The following DECR1 variants were observed in gnomAD, a reference collection of about 807,000 sequenced individuals.
DECR1 encodes 2,4-dienoyl-CoA reductase [(3E)-enoyl-CoA-producing], mitochondrial.
In DECR1, 44 loss-of-function variants were observed where a neutral mutation model predicts 38.8. The observed-to-expected ratio is 1.13, with a 90% CI of 0.89 to 1.46. The LOEUF (loss-of-function observed/expected upper bound fraction) is 1.46, where lower values mean the gene tolerates loss of function less well. Among genes scored for constraint, DECR1 ranks in the 40% most tolerant of loss-of-function variants. The pLI is 0.00. For synonymous variants in DECR1, 148 were observed against 135.2 expected (o/e 1.09, Z -0.66); for missense variants, 428 against 405.5 (o/e 1.06, Z -0.48).
Position 90,042,796 on chromosome 8 carries a change from C to A in DECR1, c.734C>A (p.Thr245Asn). 2 of 1,612,430 alleles carry A rather than the reference C, an allele frequency of 1.2e-6. No individual in the cohort carries two copies. Among genetic ancestry groups the A allele is most frequent in the Non-Finnish European group, 8.5e-7 (1 of 1,178,678 alleles). The change falls in exon 7 of 10, where the codon ACC becomes AAC. Residue 245 changes from threonine (T) to asparagine (N), a missense_variant. Physicochemically the swap from Thr to Asn is moderately conservative, Grantham distance 65. Coordinates refer to ENST00000220764, the MANE Select transcript of DECR1 (RefSeq NM_001359.2). ...GTGATTCAACCAGGGCCTATAAAAA[C>A]CAAAGTAAGTTGTATTTTGCTTGTT... ...FNVIQPGPIK[T>N]KGAFSRLDPT...
intron 1 of DECR1, 97 bp downstream of exon 1, chr8:90,001,658 G>T: frequency 1.7e-6 from 2 of 1,152,954 alleles, no homozygotes; most frequent in East Asian, 2.5e-5. Context: ...CGAGGACAAG[G>T]CATCCTGGGG....
chr8:90,052,031 G>T lies in DECR1; in HGVS notation c.*134G>T. The T allele has an allele frequency of 2.9e-6, 2 of 690,418 alleles. No individual in the cohort carries two copies. Among genetic ancestry groups the T allele is most frequent in the South Asian group, 1.9e-5 (1 of 52,782 alleles). The allele number at this position is 690,418 out of a possible 1,614,324, so 42.8% of individuals were successfully genotyped here. A position where few individuals can be genotyped will look rare whatever the true frequency, so the allele number is the denominator to read the frequency against. Reference sequence around the variant, plus strand: ...TCATTGAATATGTATTATGTGCCAGGCCAGTGATAGCCATTGTATATTCAA... The same window carrying T: ...TCATTGAATATGTATTATGTGCCAGTCCAGTGATAGCCATTGTATATTCAA... On this transcript the variant is annotated 3_prime_UTR_variant, in exon 10 of 10. Transcript: ENST00000220764.
chr8:90,001,699 G>T, intron 1 of DECR1, 138 bp downstream of exon 1: 2 of 761,062 alleles, frequency 2.6e-6, no homozygotes, highest in Non-Finnish European at 4.1e-6. Flanking sequence ...CGTCCCGGGG[G>T]TTCGGGGAGC....
intron 8 of DECR1, among the ~76,000 whole-genome samples, chr8:90,049,320 T>C (rs1250045421): frequency 1.3e-5 from 2 of 152,204 alleles, no homozygotes; most frequent in African/African-American, 4.8e-5. Context: ...GATAAGCAAC[T>C]TCAGCAAAGT....
At chr8:90,034,066 G>C (rs1234726517) in intron 5 of DECR1, among the ~76,000 whole-genome samples, 1 of 152,146 alleles carries the variant, frequency 6.6e-6, no homozygotes, top group Admixed American at 6.6e-5. Context: ...TTACCAGAAT[G>C]ATTAACATAA....
intron 5 of DECR1, among the ~76,000 whole-genome samples, chr8:90,024,120 A>G (rs1283271588): frequency 6.6e-6 from 1 of 152,244 alleles, no homozygotes; most frequent in East Asian, 1.9e-4. Context: ...TCTATCATTG[A>G]TGGACATTTG....
At chr8:90,031,741 T>C (rs1341130258) in intron 5 of DECR1, among the ~76,000 whole-genome samples, 1 of 152,114 alleles carries the variant, frequency 6.6e-6, no homozygotes, top group Non-Finnish European at 1.5e-5. Context: ...CTAGCAATAA[T>C]AGTAGAAGAG....
At chr8:90,012,427 A>G (rs1812908912) in intron 1 of DECR1, among the ~76,000 whole-genome samples, 1 of 152,132 alleles carries the variant, frequency 6.6e-6, no homozygotes, top group South Asian at 2.1e-4. Flanking sequence ...TGCTGGGATT[A>G]CAGGTGTTAG....
At chr8:90,026,795 G>C (rs1813356683) in intron 5 of DECR1, among the ~76,000 whole-genome samples, 1 of 152,086 alleles carries the variant, frequency 6.6e-6, no homozygotes, top group Non-Finnish European at 1.5e-5. Flanking sequence ...TGCTTCTCTA[G>C]TTCTTTTAAT....
chr8:90,030,198 G>A (rs1813462166), intron 5 of DECR1, among the ~76,000 whole-genome samples: 2 of 152,136 alleles, frequency 1.3e-5, no homozygotes, highest in African/African-American at 4.8e-5. Flanking sequence ...ATTAGGTGGA[G>A]CTCAGGCAGT....
intron 6 of DECR1, among the ~76,000 whole-genome samples, chr8:90,039,474 TG>T: frequency 1.3e-5 from 2 of 152,228 alleles, no homozygotes; most frequent in South Asian, 4.1e-4. Flanking sequence ...GAGAACAGCA[TG>T]GGGAAAACTG....
At chr8:90,047,985 A>G (rs1016572122) in intron 8 of DECR1, among the ~76,000 whole-genome samples, 1 of 152,238 alleles carries the variant, frequency 6.6e-6, no homozygotes, top group African/African-American at 2.4e-5. Flanking sequence ...TTTGAAGCCA[A>G]TGAGAACAAA....
At chr8:90,034,202 A>G (rs913840439) in intron 5 of DECR1, among the ~76,000 whole-genome samples, 4 of 152,214 alleles carry the variant, frequency 2.6e-5, no homozygotes, top group African/African-American at 7.2e-5. Flanking sequence ...AACTAAATAT[A>G]TGGAGCAGAG....
chr8:90,026,388 C>T (rs918476864), intron 5 of DECR1, among the ~76,000 whole-genome samples: 2 of 152,230 alleles, frequency 1.3e-5, no homozygotes, highest in African/African-American at 4.8e-5. Context: ...TTAATTATTG[C>T]CTCAATTTCA....
chr8:90,011,248 A>C (rs764569827), intron 1 of DECR1, among the ~76,000 whole-genome samples: 2 of 152,204 alleles, frequency 1.3e-5, no homozygotes, highest in Non-Finnish European at 2.9e-5. Context: ...CATCTATAGC[A>C]ATGTTTACAG....
At chr8:90,016,776 TG>T (rs1214366618) in intron 1 of DECR1, 132 of 261,510 alleles carry the variant, frequency 5.0e-4, no homozygotes, top group Non-Finnish European at 7.8e-4. Flanking sequence ...CTGCTCTAGG[TG>T]CTTTACCTGT....
At chr8:90,025,288 A>C (rs1483953944) in intron 5 of DECR1, among the ~76,000 whole-genome samples, 1 of 152,148 alleles carries the variant, frequency 6.6e-6, no homozygotes, top group African/African-American at 2.4e-5. Context: ...TGGGGATGGC[A>C]TTGAATCTAT....
intron 5 of DECR1, among the ~76,000 whole-genome samples, chr8:90,027,841 G>C (rs1413586685): frequency 6.6e-6 from 1 of 151,566 alleles, no homozygotes; most frequent in East Asian, 1.9e-4. Flanking sequence ...TATTGAGATG[G>C]GTATATTTTT....
At chr8:90,035,960 C>T (rs1346276888) in intron 5 of DECR1, among the ~76,000 whole-genome samples, 8 of 152,028 alleles carry the variant, frequency 5.3e-5, no homozygotes, top group African/African-American at 1.9e-4. Flanking sequence ...CTACTGAAAG[C>T]TCTGGATGTT....
Sources: gnomAD v4.1 joint callset for allele counts (sites outside exome capture counted in the v4.1 genomes callset) on GRCh38, gnomAD v4.1.1 for gene constraint, MANE v1.5 for transcripts, NCBI Gene and HGNC (gene_info 2026-07-23, HGNC 2026-07-21) for gene names.